CNTNAP3B: variants seen among roughly 807,000 people sequenced by gnomAD.
The protein encoded by CNTNAP3B is contactin-associated protein-like 3B.
In CNTNAP3B, 25 loss-of-function variants were observed where a neutral mutation model predicts 108.9. The ratio of observed to expected loss-of-function variants is 0.23; its 90% CI spans 0.17 to 0.32. The LOEUF (loss-of-function observed/expected upper bound fraction) is 0.32, where lower values mean the gene tolerates loss of function less well. Among genes scored for constraint, CNTNAP3B ranks in the 10% least tolerant of loss-of-function variants. CNTNAP3B has a pLI of 1.00. For synonymous variants in CNTNAP3B, 103 were observed against 473.4 expected (o/e 0.22, Z 10.16); for missense variants, 252 against 1,210.4 (o/e 0.21, Z 11.75).
intron 9 of CNTNAP3B, among the ~76,000 whole-genome samples, chr9:41,977,368 T>C (rs1394540420): frequency 6.8e-6 from 1 of 146,078 alleles, no homozygotes. Context: ...TTTGAAATGA[T>C]AGGTCTTGGA....
intron 10 of CNTNAP3B, among the ~76,000 whole-genome samples, chr9:41,967,358 G>T (rs1355397505): frequency 6.6e-6 from 1 of 152,080 alleles, no homozygotes; most frequent in Non-Finnish European, 1.5e-5. Flanking sequence ...CCCTGCACAG[G>T]TTCTCTTGCG....
chr9:41,928,190 T>A (rs1276667706), intron 15 of CNTNAP3B, among the ~76,000 whole-genome samples: 4 of 152,396 alleles, frequency 2.6e-5, no homozygotes, highest in South Asian at 4.1e-4. Flanking sequence ...GATTAATGGA[T>A]GCTGATAGAA....
intron 9 of CNTNAP3B, among the ~76,000 whole-genome samples, chr9:41,973,194 G>A (rs1825457516): frequency 7.0e-6 from 1 of 143,578 alleles, no homozygotes; most frequent in South Asian, 2.4e-4. Flanking sequence ...TGATCCACCT[G>A]CCTCAGCCTC....
At chr9:42,036,169 G>A (rs1202788037) in intron 3 of CNTNAP3B, among the ~76,000 whole-genome samples, 1 of 149,068 alleles carries the variant, frequency 6.7e-6, no homozygotes, top group East Asian at 2.0e-4. Flanking sequence ...GTTTCTAAAA[G>A]CATGGGACTA....
At chr9:41,990,927 G>A (rs574331505) in intron 8 of CNTNAP3B, among the ~76,000 whole-genome samples, 1 of 139,406 alleles carries the variant, frequency 7.2e-6, no homozygotes, top group Admixed American at 7.2e-5. Context: ...GTGAGGGCCT[G>A]TGTGTGGGGT....
intron 10 of CNTNAP3B, among the ~76,000 whole-genome samples, chr9:41,968,014 A>G (rs545048206): frequency 9.2e-5 from 14 of 152,258 alleles, no homozygotes; most frequent in African/African-American, 3.1e-4. Flanking sequence ...TTAGGCACCA[A>G]TGTAACTCTT....
chr9:41,917,542 TA>T (rs1219176108), intron 18 of CNTNAP3B, among the ~76,000 whole-genome samples: 2 of 141,600 alleles, frequency 1.4e-5, no homozygotes, highest in Non-Finnish European at 3.1e-5. Flanking sequence ...TCCTTTGTAG[TA>T]AAACCTCTGC....
chr9:41,969,908 G>A (rs1376119026), intron 10 of CNTNAP3B, among the ~76,000 whole-genome samples, 166 bp downstream of exon 10: 1 of 145,924 alleles, frequency 6.9e-6, no homozygotes. Context: ...ACCACGCCCG[G>A]CCAAGATGAA....
At chr9:41,927,818 T>A (rs1317530620) in intron 15 of CNTNAP3B, among the ~76,000 whole-genome samples, 56 of 151,858 alleles carry the variant, frequency 3.7e-4, no homozygotes, top group African/African-American at 1.2e-3. Flanking sequence ...ATTACTGACA[T>A]TGGGAAAAGC....
chr9:42,087,259 T>C (rs569413559), intron 2 of CNTNAP3B, among the ~76,000 whole-genome samples: 3,838 of 137,920 alleles, frequency 0.028, 267 homozygotes, highest in African/African-American at 0.1. Flanking sequence ...CCATACACAA[T>C]AATGTATGGA....
chr9:42,079,308 T>C lies in CNTNAP3B; in HGVS notation c.197-2246A>G, dbSNP rs1201134702. On this transcript the variant is annotated intron_variant, in intron 2 of 23. Transcript: ENST00000377561. ...GGTCTGGGTTTCGGAAAGCTGAGGG[T>C]GCAGTGCCAATGGGGTTTTCTCTAC... Among the ~76,000 whole-genome samples the C allele has an allele frequency of 2.2e-5, 3 of 135,864 alleles. No individual in the cohort carries two copies. The East Asian group carries it at 6.5e-4, about 29-fold the overall frequency. 89.1% of individuals were successfully genotyped at this position (135,864 alleles called of 152,430 possible).
chr9:41,933,946 T>G (rs1908910), intron 14 of CNTNAP3B, among the ~76,000 whole-genome samples: 1 of 151,514 alleles, frequency 6.6e-6, no homozygotes, highest in Non-Finnish European at 1.5e-5. Flanking sequence ...TATAAAGAAA[T>G]AATTTTTCCT....
chr9:42,015,055 G>C (rs1826197770), intron 3 of CNTNAP3B, among the ~76,000 whole-genome samples: 1 of 17,914 alleles, frequency 5.6e-5, no homozygotes, highest in Admixed American at 8.4e-4. Flanking sequence ...TCTGAGACAG[G>C]TTCTCACTTT....
At chr9:42,108,087 G>C (rs1201601446) in intron 1 of CNTNAP3B, among the ~76,000 whole-genome samples, 2 of 138,926 alleles carry the variant, frequency 1.4e-5, no homozygotes, top group Admixed American at 7.2e-5. Flanking sequence ...TGAATTCTGT[G>C]AACACTTTCT....
At chr9:41,940,127 A>C (rs1017264036) in intron 13 of CNTNAP3B, among the ~76,000 whole-genome samples, 2 of 152,300 alleles carry the variant, frequency 1.3e-5, no homozygotes, top group Non-Finnish European at 2.9e-5. Context: ...ATAGGGTCCT[A>C]TCAGACAATA....
chr9:41,935,595 T>C (rs1474944764), intron 14 of CNTNAP3B, among the ~76,000 whole-genome samples: 1 of 152,300 alleles, frequency 6.6e-6, no homozygotes, highest in Non-Finnish European at 1.5e-5. Context: ...AAAATTAAAA[T>C]AGAAATTGTA....
chr9:42,128,579 G>A (rs1329905685), intron 1 of CNTNAP3B, among the ~76,000 whole-genome samples: 1 of 132,004 alleles, frequency 7.6e-6, no homozygotes. Flanking sequence ...GCCAAGGTCG[G>A]CAAAACTGTA....
At chr9:42,031,806 A>G (rs1220317874) in intron 3 of CNTNAP3B, among the ~76,000 whole-genome samples, 1 of 93,678 alleles carries the variant, frequency 1.1e-5, no homozygotes, top group Non-Finnish European at 2.2e-5. Context: ...CATTTACTCG[A>G]TACGTTTCCT....
At position 41,953,379 on chromosome 9, in the gene CNTNAP3B, G is replaced by C; in HGVS notation, c.1884C>G (p.Ser628=). The part of the protein sequence containing the change: ...FLVYCNMTAD[S]AWTVVRHGGP... ...CACCGTGCCGCACCACCGTCCACGC[G>C]GAGTCTGCTGAGCAGAAACGGGCAA... Residue 628 remains serine, a synonymous_variant, in exon 13 of 24, where the codon TCC becomes TCG. Coordinates refer to ENST00000377561, the MANE Select transcript of CNTNAP3B (RefSeq NM_001201380.3). The C allele has an allele frequency of 1.9e-6, 3 of 1,546,890 alleles. No homozygotes were observed. Among genetic ancestry groups the C allele is most frequent in the Admixed American group, 2.0e-5 (1 of 49,798 alleles).
Sources: allele counts gnomAD v4.1 joint callset (sites outside exome capture counted in the v4.1 genomes callset), GRCh38; gene constraint gnomAD v4.1.1; transcripts MANE v1.5; gene names NCBI Gene and HGNC (gene_info 2026-07-23, HGNC 2026-07-21).